The following MARCHF1 variants were observed in gnomAD, a reference collection of about 807,000 sequenced individuals.
The protein encoded by MARCHF1 is membrane associated ring-CH-type finger 1.
MARCHF1 carries 40 observed loss-of-function variants against 54.2 expected under a neutral mutation model. The observed-to-expected ratio is 0.74, with a 90% CI of 0.57 to 0.96. MARCHF1 has a LOEUF of 0.96. MARCHF1 is among the 40% of genes least tolerant of loss of function. The pLI is 0.00. For synonymous variants in MARCHF1, 236 were observed against 236.3 expected (o/e 1.00, Z 0.01); for missense variants, 586 against 656.5 (o/e 0.89, Z 1.17).
Position 164,091,721 on chromosome 4 carries a change from ATGT to A in MARCHF1, c.-248+19864_-248+19866del, listed in dbSNP as rs560994793. 2.0e-3 allele frequency among the ~76,000 whole-genome samples: 299 copies of A among 152,180 alleles called. 1 individual carries two copies. The highest frequency in any genetic ancestry group is 7.0e-3 in the African/African-American group (292 of 41,546). ...AGGCAATTGTAATACTGTGTTAGAA[ATGT>A]TGTATTGTGACTAAATACTGGATAT... On this transcript the variant is annotated intron_variant, in intron 2 of 9. Transcript: ENST00000514618.
chr4:163,662,580 CGTCTG>C (rs1743379763), intron 5 of MARCHF1, among the ~76,000 whole-genome samples: 1 of 151,940 alleles, frequency 6.6e-6, no homozygotes, highest in African/African-American at 2.4e-5. Context: ...GCTCTAAGTC[CGTCTG>C]TTACCATCTC....
At chr4:164,351,578 A>C (rs902400979) in intron 1 of MARCHF1, among the ~76,000 whole-genome samples, 2 of 152,292 alleles carry the variant, frequency 1.3e-5, no homozygotes, top group Admixed American at 6.5e-5. Context: ...AAACTAACAA[A>C]CAGAAAGGAC....
chr4:163,770,465 T>C (rs528891070), intron 4 of MARCHF1, among the ~76,000 whole-genome samples: 1 of 151,732 alleles, frequency 6.6e-6, no homozygotes, highest in Non-Finnish European at 1.5e-5. Flanking sequence ...CAAAGGAGAA[T>C]TAGTACTGGT....
intron 1 of MARCHF1, among the ~76,000 whole-genome samples, chr4:164,216,066 G>T (rs1391106780): frequency 6.6e-6 from 1 of 152,164 alleles, no homozygotes; most frequent in Non-Finnish European, 1.5e-5. Flanking sequence ...TAGAGTCAGA[G>T]ACATAGGAAA....
chr4:164,148,443 T>C (rs1729832666), intron 1 of MARCHF1, among the ~76,000 whole-genome samples: 1 of 152,150 alleles, frequency 6.6e-6, no homozygotes. Context: ...TTCCATGTTC[T>C]CTTAATTAAT....
At chr4:163,595,941 C>G (rs1201924170) in intron 7 of MARCHF1, among the ~76,000 whole-genome samples, 1 of 151,546 alleles carries the variant, frequency 6.6e-6, no homozygotes, top group Non-Finnish European at 1.5e-5. Context: ...GATAAATAAA[C>G]TATTTGCCCA....
At chr4:163,943,873 T>TA (rs1045778843) in intron 3 of MARCHF1, among the ~76,000 whole-genome samples, 1 of 152,042 alleles carries the variant, frequency 6.6e-6, no homozygotes, top group African/African-American at 2.4e-5. Flanking sequence ...AAGTGTTATA[T>TA]ATCATCTTAT....
At chr4:164,025,407 AT>A (rs768052706) in intron 2 of MARCHF1, among the ~76,000 whole-genome samples, 1 of 152,124 alleles carries the variant, frequency 6.6e-6, no homozygotes, top group East Asian at 1.9e-4. Context: ...ACACAAAAAA[AT>A]AAAAACAGAA....
chr4:164,232,874 G>A (rs1422822646), intron 1 of MARCHF1, among the ~76,000 whole-genome samples: 1 of 152,098 alleles, frequency 6.6e-6, no homozygotes, highest in African/African-American at 2.4e-5. Flanking sequence ...GAAACCTATA[G>A]ACACGTGCTG....
At chr4:164,209,204 C>T (rs1427908330) in intron 1 of MARCHF1, among the ~76,000 whole-genome samples, 1 of 152,018 alleles carries the variant, frequency 6.6e-6, no homozygotes, top group Non-Finnish European at 1.5e-5. Flanking sequence ...AGTTTCTCTG[C>T]TCAATCAAGA....
intron 1 of MARCHF1, among the ~76,000 whole-genome samples, chr4:164,298,685 T>G (rs1734474335): frequency 6.6e-6 from 1 of 152,118 alleles, no homozygotes; most frequent in African/African-American, 2.4e-5. Context: ...TTTAGTATGA[T>G]ATAACTCTAA....
chr4:164,094,089 T>A (rs1287925906), intron 2 of MARCHF1, among the ~76,000 whole-genome samples: 2 of 152,130 alleles, frequency 1.3e-5, no homozygotes, highest in Non-Finnish European at 2.9e-5. Flanking sequence ...AAAGCTTTAT[T>A]TCAGATCAAC....
chr4:163,744,245 C>G (rs1054666813), intron 4 of MARCHF1, among the ~76,000 whole-genome samples: 1 of 152,046 alleles, frequency 6.6e-6, no homozygotes, highest in Non-Finnish European at 1.5e-5. Context: ...ATTTTCGAAC[C>G]AATTTTTTTT....
chr4:164,296,633 G>A (rs938098112), intron 1 of MARCHF1, among the ~76,000 whole-genome samples: 3 of 152,088 alleles, frequency 2.0e-5, no homozygotes, highest in Admixed American at 6.6e-5. Flanking sequence ...GCCTCCCAAA[G>A]TGCTGGGATT....
intron 2 of MARCHF1, among the ~76,000 whole-genome samples, chr4:164,018,804 A>G (rs1413704626): frequency 6.6e-6 from 1 of 152,174 alleles, no homozygotes; most frequent in Non-Finnish European, 1.5e-5. Context: ...AGAATGTGAC[A>G]TGGTGGTTTT....
chr4:163,588,184 C>T (rs565686939), intron 7 of MARCHF1, among the ~76,000 whole-genome samples: 29 of 152,260 alleles, frequency 1.9e-4, no homozygotes, highest in Non-Finnish European at 3.2e-4. Flanking sequence ...TCCCCTTCCC[C>T]CTGAACTGAC....
At chr4:163,890,091 A>ATTTTTT (rs565005714) in intron 3 of MARCHF1, among the ~76,000 whole-genome samples, 1 of 136,596 alleles carries the variant, frequency 7.3e-6, no homozygotes, top group African/African-American at 2.7e-5. Context: ...TGCCCGGCTA[A>ATTTTTT]TTTTTTTTTT....
At chr4:164,183,406 G>A (rs1730885119) in intron 1 of MARCHF1, among the ~76,000 whole-genome samples, 2 of 152,088 alleles carry the variant, frequency 1.3e-5, no homozygotes, top group Non-Finnish European at 1.5e-5. Flanking sequence ...TTTGTGATAA[G>A]AGTAGAAAAT....
At chr4:164,259,544 C>CAAAAAAAAAAAAAAA (rs141030578) in intron 1 of MARCHF1, among the ~76,000 whole-genome samples, 6 of 58,912 alleles carry the variant, frequency 1.0e-4, no homozygotes, top group Non-Finnish European at 1.3e-4. Flanking sequence ...GACCGTGTCT[C>CAAAAAAAAAAAAAAA]AAAAAAAAAA....
Sources: gnomAD v4.1 joint callset for allele counts (sites outside exome capture counted in the v4.1 genomes callset) on GRCh38, gnomAD v4.1.1 for gene constraint, MANE v1.5 for transcripts, NCBI Gene and HGNC (gene_info 2026-07-23, HGNC 2026-07-21) for gene names.